The following RGS6 variants were observed in gnomAD, a reference collection of about 807,000 sequenced individuals.
RGS6 encodes the protein regulator of G protein signaling 6.
In RGS6, 30 loss-of-function variants were observed where a neutral mutation model predicts 78.5. The observed-to-expected ratio is 0.38, with a 90% CI of 0.29 to 0.52. The LOEUF is 0.52. Ranked by LOEUF, RGS6 falls within the 20% of genes least tolerant of loss-of-function variation. RGS6 has a pLI of 0.85. For synonymous variants in RGS6, 206 were observed against 206.0 expected (o/e 1.00, Z 0.00); for missense variants, 495 against 609.7 (o/e 0.81, Z 1.98).
chr14:72,495,186 G>T lies in RGS6; in HGVS notation c.889G>T (p.Asp297Tyr). 6.2e-7 allele frequency: 1 copy of T among 1,613,472 alleles called. No homozygotes were observed. The highest frequency in any genetic ancestry group is 8.5e-7 in the Non-Finnish European group (1 of 1,179,486). ...IAYTEQYVEY[D>Y]PLITPAEPSN... ...CTACACGGAACAATATGTGGAATAT[G>T]ACCCTTTGATAACACCAGCTGAGCC... is the stretch of plus-strand genomic sequence containing the variant. The change falls in exon 13 of 18, where the codon GAC (aspartate) becomes TAC (tyrosine). Residue 297 changes from aspartate to tyrosine, a missense_variant. By Grantham distance (160) the Asp-to-Tyr change is radical. Transcript: ENST00000553525.
the RGS6 span, among the ~76,000 whole-genome samples, chr14:71,921,302 T>TA: frequency 6.6e-6 from 1 of 150,704 alleles, no homozygotes; most frequent in East Asian, 1.9e-4. Flanking sequence ...CCCCAAAGAT[T>TA]AAAAAAAAGG....
the RGS6 span, among the ~76,000 whole-genome samples, chr14:72,602,324 G>A: frequency 6.6e-6 from 1 of 152,176 alleles, no homozygotes; most frequent in Non-Finnish European, 1.5e-5. Context: ...GAGGATGGTA[G>A]GAGAAGGATG....
chr14:72,321,790 G>A (rs1029501964), intron 2 of RGS6, among the ~76,000 whole-genome samples: 2 of 151,870 alleles, frequency 1.3e-5, no homozygotes, highest in African/African-American at 2.4e-5. Context: ...GACATAGATG[G>A]CCTAAATAAC....
At chr14:72,171,203 T>C (rs998421956) in intron 2 of RGS6, among the ~76,000 whole-genome samples, 1 of 152,134 alleles carries the variant, frequency 6.6e-6, no homozygotes, top group Admixed American at 6.5e-5. Context: ...ATTTTGTCTG[T>C]GCATGCATGC....
At chr14:71,894,754 T>A in the RGS6 span, among the ~76,000 whole-genome samples, 1 of 152,262 alleles carries the variant, frequency 6.6e-6, no homozygotes, top group African/African-American at 2.4e-5. Flanking sequence ...TATATGACTG[T>A]TTTTGTGTCT....
At chr14:72,509,488 A>G (rs1275045909) in intron 13 of RGS6, among the ~76,000 whole-genome samples, 5 of 152,052 alleles carry the variant, frequency 3.3e-5, no homozygotes, top group Non-Finnish European at 7.4e-5. Context: ...CACCTTCCCT[A>G]TCTGGAAAAT....
chr14:71,995,795 C>A (rs903443592), intron 2 of RGS6, among the ~76,000 whole-genome samples: 1 of 152,202 alleles, frequency 6.6e-6, no homozygotes, highest in African/African-American at 2.4e-5. Flanking sequence ...CTTTGCTACT[C>A]TCCATCCCCC....
chr14:71,920,138 C>A, the RGS6 span, among the ~76,000 whole-genome samples: 32 of 152,304 alleles, frequency 2.1e-4, no homozygotes, highest in African/African-American at 7.2e-4. Context: ...TAGATTTAGG[C>A]AAATTCTAAC....
chr14:72,523,863 C>T (rs2097085524), intron 15 of RGS6, among the ~76,000 whole-genome samples: 1 of 151,944 alleles, frequency 6.6e-6, no homozygotes, highest in Admixed American at 6.6e-5. Flanking sequence ...GTTCTTTATG[C>T]TATGGATTTA....
chr14:72,224,547 A>T (rs2047647396), intron 2 of RGS6, among the ~76,000 whole-genome samples: 1 of 152,048 alleles, frequency 6.6e-6, no homozygotes, highest in Admixed American at 6.5e-5. Context: ...TTTGGTACAT[A>T]AAATAATTTT....
chr14:72,468,730 G>T (rs1444240067), intron 7 of RGS6, among the ~76,000 whole-genome samples: 1 of 152,054 alleles, frequency 6.6e-6, no homozygotes, highest in Non-Finnish European at 1.5e-5. Flanking sequence ...CTACGTTATT[G>T]TGTTTAATGG....
chr14:72,273,991 G>C (rs1414226451), intron 2 of RGS6, among the ~76,000 whole-genome samples: 1 of 152,166 alleles, frequency 6.6e-6, no homozygotes, highest in Admixed American at 6.5e-5. Context: ...TCTGCTCAAT[G>C]GTTCTCAAAT....
At chr14:72,338,150 G>T (rs2076377115) in intron 2 of RGS6, among the ~76,000 whole-genome samples, 1 of 152,164 alleles carries the variant, frequency 6.6e-6, no homozygotes, top group Non-Finnish European at 1.5e-5. Flanking sequence ...ATGGAACTTG[G>T]GCCATAAGGT....
chr14:72,182,650 C>G (rs1039395638), intron 2 of RGS6, among the ~76,000 whole-genome samples: 1 of 152,098 alleles, frequency 6.6e-6, no homozygotes, highest in Admixed American at 6.5e-5. Context: ...AAACTTGGTT[C>G]ACATGAGAGC....
intron 3 of RGS6, among the ~76,000 whole-genome samples, chr14:72,371,797 A>G (rs1419405828): frequency 1.3e-5 from 2 of 152,210 alleles, no homozygotes; most frequent in Non-Finnish European, 2.9e-5. Context: ...TCTGTTTCCA[A>G]TAAGATAAAA....
At chr14:72,523,114 G>A (rs993213654) in intron 15 of RGS6, among the ~76,000 whole-genome samples, 4 of 152,226 alleles carry the variant, frequency 2.6e-5, no homozygotes, top group African/African-American at 9.6e-5. Context: ...GGTATAAAAA[G>A]GAGGTTAAAA....
At chr14:72,111,749 C>T (rs930412974) in intron 2 of RGS6, among the ~76,000 whole-genome samples, 2 of 152,090 alleles carry the variant, frequency 1.3e-5, no homozygotes, top group African/African-American at 2.4e-5. Context: ...CGCCAGGGTA[C>T]GTACCTCAAG....
At position 72,548,096 on chromosome 14, in the gene RGS6, C is replaced by T. The variant is rs180803424; in HGVS notation, c.1422+8002C>T. ...TGGCAGGGGAGAGGGTGTATTAATC[C>T]GTCTATGTCCGCTGGAAAGGCAGTC... On this transcript the variant is annotated intron_variant, in intron 17 of 17. Transcript: ENST00000553525. 5.4e-3 allele frequency among the ~76,000 whole-genome samples: 816 copies of T among 152,058 alleles called. 5 individuals carry two copies. Among genetic ancestry groups the T allele is most frequent in the Non-Finnish European group, 6.1e-3 (415 of 67,992 alleles).
At chr14:72,104,585 G>A (rs563582824) in intron 2 of RGS6, among the ~76,000 whole-genome samples, 3 of 152,146 alleles carry the variant, frequency 2.0e-5, no homozygotes, top group South Asian at 2.1e-4. Flanking sequence ...ACATCCAGAC[G>A]CAAAGCCACC....
Sources: gnomAD v4.1 joint callset for allele counts (sites outside exome capture counted in the v4.1 genomes callset) on GRCh38, gnomAD v4.1.1 for gene constraint, MANE v1.5 for transcripts, NCBI Gene and HGNC (gene_info 2026-07-23, HGNC 2026-07-21) for gene names.